PHF24: variants seen among roughly 807,000 people sequenced by gnomAD.
PHF24 encodes the protein PHD finger protein 24.
In PHF24, 25 loss-of-function variants were observed where a neutral mutation model predicts 42.6. The ratio of observed to expected loss-of-function variants is 0.59; its 90% CI spans 0.43 to 0.82. The LOEUF (loss-of-function observed/expected upper bound fraction) is 0.82, where lower values mean the gene tolerates loss of function less well. Ranked by LOEUF, PHF24 falls within the 40% of genes least tolerant of loss-of-function variation. The pLI, the probability that PHF24 is intolerant of heterozygous loss-of-function variation, is 0.00. For synonymous variants in PHF24, 185 were observed against 204.8 expected (o/e 0.90, Z 0.83); for missense variants, 470 against 538.1 (o/e 0.87, Z 1.25).
chr9:34,854,962 G>C, the PHF24 span, among the ~76,000 whole-genome samples: 35 of 152,322 alleles, frequency 2.3e-4, no homozygotes, highest in African/African-American at 8.2e-4. Flanking sequence ...GAGTGCTCCT[G>C]TATTGGTGTA....
At chr9:34,810,512 C>T in the PHF24 span, among the ~76,000 whole-genome samples, 1 of 152,172 alleles carries the variant, frequency 6.6e-6, no homozygotes, top group African/African-American at 2.4e-5. Context: ...GGAAGACCGC[C>T]TGGGAACATA....
the PHF24 span, among the ~76,000 whole-genome samples, chr9:34,735,707 G>C: frequency 6.6e-6 from 1 of 151,984 alleles, no homozygotes; most frequent in Middle Eastern, 3.4e-3. Flanking sequence ...GCTGAGACAG[G>C]AGAATCGCTT....
the PHF24 span, among the ~76,000 whole-genome samples, chr9:34,875,860 A>G: frequency 3.3e-5 from 5 of 151,348 alleles, no homozygotes; most frequent in Admixed American, 1.3e-4. Context: ...TCTCATTTCA[A>G]GAACCTCCTA....
the PHF24 span, among the ~76,000 whole-genome samples, chr9:34,713,503 C>T: frequency 4.7e-5 from 7 of 149,976 alleles, no homozygotes; most frequent in African/African-American, 1.8e-4. Flanking sequence ...CAAGTACCAC[C>T]CCCCCTGCTT....
At chr9:34,921,792 C>T in the PHF24 span, among the ~76,000 whole-genome samples, 3 of 152,202 alleles carry the variant, frequency 2.0e-5, no homozygotes, top group Non-Finnish European at 2.9e-5. Flanking sequence ...AATTACTACA[C>T]CTGTGACTGG....
chr9:34,709,984 C>G, the PHF24 span: 1 of 1,614,124 alleles, frequency 6.2e-7, no homozygotes, highest in South Asian at 1.1e-5. Flanking sequence ...TGCAAGGCCC[C>G]TCCCTGCCTT....
the PHF24 span, among the ~76,000 whole-genome samples, chr9:34,859,213 T>A: frequency 6.6e-6 from 1 of 152,262 alleles, no homozygotes; most frequent in South Asian, 2.1e-4. Flanking sequence ...GGGTCTGCAG[T>A]CCTCTTGAAG....
chr9:34,794,007 A>G, the PHF24 span, among the ~76,000 whole-genome samples: 1 of 151,848 alleles, frequency 6.6e-6, no homozygotes, highest in Non-Finnish European at 1.5e-5. Context: ...GGACAGAAAA[A>G]GAGAAGTCCC....
chr9:34,773,417 A>G, the PHF24 span, among the ~76,000 whole-genome samples: 1 of 152,202 alleles, frequency 6.6e-6, no homozygotes, highest in Non-Finnish European at 1.5e-5. Flanking sequence ...GCCAGAAAGA[A>G]ACAAGTGCTA....
chr9:34,882,679 G>A, the PHF24 span, among the ~76,000 whole-genome samples: 1 of 152,058 alleles, frequency 6.6e-6, no homozygotes, highest in South Asian at 2.1e-4. Context: ...CCTCTTCAAG[G>A]AGAACTACAA....
At chr9:34,847,260 T>A in the PHF24 span, among the ~76,000 whole-genome samples, 1 of 152,212 alleles carries the variant, frequency 6.6e-6, no homozygotes, top group Non-Finnish European at 1.5e-5. Flanking sequence ...TTTGTTTGTA[T>A]CCTCTTTTAT....
At chr9:34,841,023 A>G in the PHF24 span, among the ~76,000 whole-genome samples, 1 of 151,750 alleles carries the variant, frequency 6.6e-6, no homozygotes, top group Non-Finnish European at 1.5e-5. Context: ...TTTTTGAGAC[A>G]GAGTCTCGCT....
the PHF24 span, among the ~76,000 whole-genome samples, chr9:34,921,930 A>G: frequency 6.6e-6 from 1 of 152,246 alleles, no homozygotes; most frequent in African/African-American, 2.4e-5. Context: ...ACTATGCCAA[A>G]CATTAATAAC....
the PHF24 span, chr9:34,917,294 G>C: frequency 9.9e-7 from 1 of 1,014,304 alleles, no homozygotes; most frequent in African/African-American, 1.6e-5. Context: ...GAAAAGGACT[G>C]CACTGCAAGA....
At chr9:34,878,662 G>A in the PHF24 span, among the ~76,000 whole-genome samples, 1 of 152,222 alleles carries the variant, frequency 6.6e-6, no homozygotes, top group Non-Finnish European at 1.5e-5. Context: ...CAGCAAGGCT[G>A]GGGGAGGGGC....
the PHF24 span, chr9:34,832,645 C>G: frequency 2.2e-5 from 34 of 1,539,250 alleles, no homozygotes; most frequent in Admixed American, 3.4e-4. Context: ...TTAATACACT[C>G]CAGAAAACAT....
chr9:34,759,391 T>G, the PHF24 span, among the ~76,000 whole-genome samples: 1 of 152,308 alleles, frequency 6.6e-6, no homozygotes, highest in East Asian at 1.9e-4. Context: ...TTTCCCTCTT[T>G]TCCTGAGTGC....
chr9:34,835,792 G>A, the PHF24 span: 1 of 1,545,918 alleles, frequency 6.5e-7, no homozygotes. Context: ...TGACAGTGTT[G>A]GGTTTATAGA....
the PHF24 span, among the ~76,000 whole-genome samples, chr9:34,825,196 AGT>A: frequency 6.6e-6 from 1 of 152,010 alleles, no homozygotes; most frequent in East Asian, 1.9e-4. Flanking sequence ...AGAGTCTGAG[AGT>A]CAGGACCCTT....
Sources: gnomAD v4.1 joint callset for allele counts (sites outside exome capture counted in the v4.1 genomes callset) on GRCh38, gnomAD v4.1.1 for gene constraint, MANE v1.5 for transcripts, NCBI Gene and HGNC (gene_info 2026-07-23, HGNC 2026-07-21) for gene names.